The following ERBB4 variants were observed in gnomAD, a reference collection of about 807,000 sequenced individuals.
ERBB4 encodes erb-b2 receptor tyrosine kinase 4, also known as receptor tyrosine-protein kinase erbB-4.
ERBB4 carries 42 observed loss-of-function variants against 158.0 expected under a neutral mutation model. That is an observed-to-expected ratio of 0.27 (90% CI 0.21 to 0.34). ERBB4 has a LOEUF of 0.34. ERBB4 is among the 10% of genes least tolerant of loss of function. The pLI, the probability that ERBB4 is intolerant of heterozygous loss-of-function variation, is 1.00. For synonymous variants in ERBB4, 583 were observed against 558.7 expected (o/e 1.04, Z -0.61); for missense variants, 1,333 against 1,624.1 (o/e 0.82, Z 3.08).
In ERBB4 at chr2:211,679,121, T is replaced by C. The variant is rs900546126; in HGVS notation, c.1553A>G (p.Asp518Gly). The change falls in exon 13 of 28, where the codon GAC becomes GGC. Residue 518 changes from aspartate to glycine, a missense_variant. Physicochemically the swap from Asp to Gly is moderately conservative, Grantham distance 94 (BLOSUM62 -1). Around this residue, in one of 5 missense-constraint regions of ERBB4, gnomAD observed 245 missense variants for 247.5 expected, o/e 0.99. Transcript: ENST00000342788. ...GAAGCGGCGACACGACAGACATTGG[T>C]CTGGCCCAGGTCCCCAACAGCCATC... is the stretch of plus-strand genomic sequence containing the variant. Reference protein sequence around the residue: ...SSDGCWGPGPDQCLSCRRFSR... With the variant: ...SSDGCWGPGPGQCLSCRRFSR... 2 of 1,613,848 alleles carry C rather than the reference T, an allele frequency of 1.2e-6. No individual in the cohort carries two copies. The highest frequency in any genetic ancestry group is 1.7e-5 in the Admixed American group (1 of 59,984).
rs1474877348 is a variant in ERBB4, at chr2:211,799,254, A to G, written c.422-11095T>C. ...ACCCAATCATTTTCTCCACTGTAAA[A>G]ATTATTTTCATATTGTCACATCTGA... is the stretch of plus-strand genomic sequence containing the variant. On this transcript the variant is annotated intron_variant, in intron 3 of 27. Transcript: ENST00000342788. 3.3e-5 allele frequency among the ~76,000 whole-genome samples: 5 copies of G among 152,196 alleles called. No individual in the cohort carries two copies. The East Asian group carries it at 9.6e-4, about 29-fold the overall frequency.
chr2:212,139,061 G>A (rs986806261), intron 1 of ERBB4, among the ~76,000 whole-genome samples: 3 of 151,902 alleles, frequency 2.0e-5, no homozygotes, highest in Non-Finnish European at 4.4e-5. Flanking sequence ...ACTAATCTTT[G>A]GACTTAAAAA....
intron 1 of ERBB4, among the ~76,000 whole-genome samples, chr2:212,208,150 A>C (rs2082822708): frequency 6.6e-6 from 1 of 152,158 alleles, no homozygotes; most frequent in Admixed American, 6.6e-5. Context: ...AGCTTGAAAG[A>C]GAAAAATGAA....
At chr2:211,408,345 C>T (rs546799923) in intron 25 of ERBB4, among the ~76,000 whole-genome samples, 30 of 152,176 alleles carry the variant, frequency 2.0e-4, no homozygotes, top group Non-Finnish European at 3.7e-4. Flanking sequence ...CATTAACATT[C>T]TCAATCTAAG....
intron 2 of ERBB4, among the ~76,000 whole-genome samples, chr2:212,115,498 CTTT>C (rs565618082): frequency 6.6e-6 from 1 of 152,146 alleles, no homozygotes; most frequent in African/African-American, 2.4e-5. Flanking sequence ...CAATATACTT[CTTT>C]AACAACATCA....
At chr2:212,300,263 T>C (rs1446182855) in intron 1 of ERBB4, among the ~76,000 whole-genome samples, 1 of 151,622 alleles carries the variant, frequency 6.6e-6, no homozygotes, top group Non-Finnish European at 1.5e-5. Context: ...GAATATCAAC[T>C]TGCACACTAT....
intron 3 of ERBB4, among the ~76,000 whole-genome samples, chr2:211,920,270 C>A (rs751769063): frequency 1.3e-5 from 2 of 151,954 alleles, no homozygotes; most frequent in Non-Finnish European, 2.9e-5. Context: ...TTACTAAATT[C>A]TTACCTTGTA....
At chr2:211,452,968 C>T (rs2064287520) in intron 20 of ERBB4, among the ~76,000 whole-genome samples, 1 of 152,102 alleles carries the variant, frequency 6.6e-6, no homozygotes, top group Admixed American at 6.6e-5. Flanking sequence ...TAGAAAGAAG[C>T]CATTGAAAAC....
rs2073394802 is a variant in ERBB4, at chr2:211,705,255, C to G, written c.1198+63G>C. ...GTGTGAGCCACGATGCCCAGTCAAT[C>G]TTGTGTAATTTTTAAAAAAATTATA... is the stretch of plus-strand genomic sequence containing the variant. On this transcript the variant is annotated intron_variant, in intron 10 of 27. Coordinates refer to ENST00000342788, the MANE Select transcript of ERBB4 (RefSeq NM_005235.3). 3 of 1,159,992 alleles carry G rather than the reference C, an allele frequency of 2.6e-6. No individual in the cohort carries two copies. In the South Asian group the frequency reaches 3.7e-5, roughly 14 times the overall value. 71.9% of individuals were successfully genotyped at this position (1,159,992 alleles called of 1,614,324 possible). A position where few individuals can be genotyped will look rare whatever the true frequency, so the allele number is the denominator to read the frequency against.
intron 2 of ERBB4, among the ~76,000 whole-genome samples, chr2:212,027,905 C>T (rs1006005644): frequency 2.6e-5 from 4 of 151,774 alleles, no homozygotes; most frequent in African/African-American, 7.3e-5. Flanking sequence ...TGGAGCAATC[C>T]GAATATAGTA....
Position 211,387,000 on chromosome 2 carries a change from G to A in ERBB4, c.3334C>T (p.Arg1112Cys), listed in dbSNP as rs144311212. 3.0e-5 allele frequency: 49 copies of A among 1,613,894 alleles called. No homozygotes were observed. Among genetic ancestry groups the A allele is most frequent in the African/African-American group, 2.1e-4 (16 of 74,872 alleles). ...FDDSCCNGTL[R>C]KPVAPHVQED... ...TGGACATGGGGTGCCACTGGCTTGCGTAGGGTGCCATTACAGCAGGAGTCA... is the reference window on the plus strand; with the variant it reads ...TGGACATGGGGTGCCACTGGCTTGCATAGGGTGCCATTACAGCAGGAGTCA... The change falls in exon 27 of 28, where the codon CGC (arginine) becomes TGC (cysteine). Residue 1112 changes from arginine (R) to cysteine (C), a missense_variant. This residue lies in a region of ERBB4 where 252 missense variants were observed against 241.3 expected (regional missense o/e 1.04). Coordinates refer to ENST00000342788, the MANE Select transcript of ERBB4 (RefSeq NM_005235.3).
intron 19 of ERBB4, among the ~76,000 whole-genome samples, chr2:211,575,495 T>C (rs529322067): frequency 1.3e-5 from 2 of 152,316 alleles, no homozygotes; most frequent in East Asian, 1.9e-4. Context: ...GAACAGACTT[T>C]AGTAAATTTG....
intron 1 of ERBB4, among the ~76,000 whole-genome samples, chr2:212,135,603 A>G (rs2080248112): frequency 6.6e-6 from 1 of 152,236 alleles, no homozygotes; most frequent in Admixed American, 6.5e-5. Flanking sequence ...TTTAGAAATT[A>G]CATTTCTGTC....
chr2:211,551,667 A>G (rs952705209), intron 20 of ERBB4, among the ~76,000 whole-genome samples: 3 of 152,318 alleles, frequency 2.0e-5, no homozygotes, highest in Middle Eastern at 3.4e-3. Flanking sequence ...TTAAATTTCT[A>G]TAATTTGCAT....
rs538569225 is a variant in ERBB4, at chr2:212,338,374, G to T, written c.82+200075C>A. Among the ~76,000 whole-genome samples, 18 of 152,182 alleles carry T rather than the reference G, an allele frequency of 1.2e-4. 1 individual carries two copies. Among genetic ancestry groups the T allele is most frequent in the Admixed American group, 1.0e-3 (16 of 15,258 alleles). ...GGTTCCTCAAGCTACAGATAATTGGGATATGAAAGACCATATGCATATACA... is the reference window on the plus strand; with the variant it reads ...GGTTCCTCAAGCTACAGATAATTGGTATATGAAAGACCATATGCATATACA... On this transcript the variant is annotated intron_variant, in intron 1 of 27. Transcript: ENST00000342788.
chr2:212,294,296 AT>A (rs759773727), intron 1 of ERBB4, among the ~76,000 whole-genome samples: 14 of 152,048 alleles, frequency 9.2e-5, no homozygotes, highest in Non-Finnish European at 1.9e-4. Context: ...GAAATAGTAA[AT>A]ATTAGAGATA....
At chr2:212,150,699 T>A (rs966891808) in intron 1 of ERBB4, among the ~76,000 whole-genome samples, 1 of 152,232 alleles carries the variant, frequency 6.6e-6, no homozygotes, top group Admixed American at 6.5e-5. Context: ...AGACTCATTC[T>A]TCTTGTGCTT....
intron 1 of ERBB4, chr2:212,125,182 A>G: frequency 2.9e-6 from 1 of 350,320 alleles, no homozygotes; most frequent in East Asian, 5.5e-5. Flanking sequence ...ATGACCATAT[A>G]AAGCAAGTAA....
At chr2:212,076,100 C>T (rs1268016706) in intron 2 of ERBB4, among the ~76,000 whole-genome samples, 3 of 151,774 alleles carry the variant, frequency 2.0e-5, no homozygotes, top group Admixed American at 1.3e-4. Flanking sequence ...TTTATAGACA[C>T]CTCAATTGGT....
Sources: allele counts gnomAD v4.1 joint callset (sites outside exome capture counted in the v4.1 genomes callset), GRCh38; gene constraint gnomAD v4.1.1; regional missense constraint gnomAD v4.1.1; transcripts MANE v1.5; gene names NCBI Gene and HGNC (gene_info 2026-07-23, HGNC 2026-07-21).